The following CDH20 variants were observed in gnomAD, a reference collection of about 807,000 sequenced individuals.
CDH20 encodes cadherin 20.
Under a neutral mutation model 74.2 loss-of-function variants are expected in CDH20, and 29 were observed. That is an observed-to-expected ratio of 0.39 (90% CI 0.29 to 0.53). The LOEUF (loss-of-function observed/expected upper bound fraction) is 0.53. CDH20 is among the 20% of genes least tolerant of loss of function. CDH20 has a pLI of 0.69. For synonymous variants in CDH20, 469 were observed against 405.4 expected, an observed-to-expected ratio of 1.16 and a Z score of -1.88; for missense variants, 988 against 1,048.3, an observed-to-expected ratio of 0.94 and a Z score of 0.79.
chr18:61,376,053 T>G (rs531516816), intron 1 of CDH20, among the ~76,000 whole-genome samples: 1 of 152,274 alleles, frequency 6.6e-6, no homozygotes, highest in South Asian at 2.1e-4. Flanking sequence ...ATTATTGCAT[T>G]TATTAACAAA....
chr18:61,490,578 A>G lies in CDH20; in HGVS notation c.25A>G (p.Asn9Asp), dbSNP rs918893880. The G allele has an allele frequency of 1.2e-6, 2 of 1,614,150 alleles. No individual in the cohort carries two copies. The highest frequency in any genetic ancestry group is 1.3e-5 in the African/African-American group (1 of 75,048). The change falls in exon 2 of 12, where the codon AAT becomes GAT. Residue 9 changes from asparagine to aspartate, a missense_variant. Transcript: ENST00000262717. MWTSGRMS[N>D]AKNWLGLGMS... ...CATGTGGACTTCTGGTAGAATGAGC[A>G]ATGCAAAGAACTGGCTTGGACTTGG...
chr18:61,398,606 C>T (rs1203294222), intron 1 of CDH20, among the ~76,000 whole-genome samples: 1 of 152,140 alleles, frequency 6.6e-6, no homozygotes, highest in African/African-American at 2.4e-5. Flanking sequence ...ATGGTTCTTA[C>T]AGATGAGTTA....
intron 1 of CDH20, among the ~76,000 whole-genome samples, chr18:61,385,155 A>G (rs1300554821): frequency 2.0e-5 from 3 of 152,226 alleles, no homozygotes; most frequent in Admixed American, 6.5e-5. Context: ...AAAAAGGAAT[A>G]TAAGTCAACA....
At chr18:61,440,398 G>T (rs1038188749) in intron 1 of CDH20, among the ~76,000 whole-genome samples, 6 of 152,272 alleles carry the variant, frequency 3.9e-5, no homozygotes. Context: ...AAAAGGAAAA[G>T]AAATAGTAAA....
intron 1 of CDH20, among the ~76,000 whole-genome samples, chr18:61,400,731 T>C (rs1912128199): frequency 1.3e-5 from 2 of 152,188 alleles, no homozygotes; most frequent in Admixed American, 6.5e-5. Context: ...CAAATGTTCT[T>C]GTGTAAAGAT....
In CDH20 at chr18:61,347,241, G is replaced by C. The variant is rs552810801; in HGVS notation, c.-153+13414G>C. On this transcript the variant is annotated intron_variant, in intron 1 of 11. Transcript: ENST00000262717. Reference sequence around the variant, plus strand: ...GGGTGGGTAGATCACTTGAGACCAGGAGTTTGAGACCAGCCTGGCCAACAT... The same window carrying C: ...GGGTGGGTAGATCACTTGAGACCAGCAGTTTGAGACCAGCCTGGCCAACAT... Among the ~76,000 whole-genome samples, 6 of 146,984 alleles carry C rather than the reference G, an allele frequency of 4.1e-5. No homozygotes were observed. The South Asian group carries it at 1.3e-3, about 32-fold the overall frequency.
chr18:61,518,454 C>T (rs1033829433), intron 6 of CDH20, among the ~76,000 whole-genome samples: 3 of 143,960 alleles, frequency 2.1e-5, no homozygotes, highest in South Asian at 2.1e-4. Context: ...CTGCAGCCTC[C>T]GCTGGTGATA....
At chr18:61,529,996 C>A (rs538140198) in intron 7 of CDH20, among the ~76,000 whole-genome samples, 1 of 152,286 alleles carries the variant, frequency 6.6e-6, no homozygotes, top group South Asian at 2.1e-4. Flanking sequence ...GTCCACTGGG[C>A]TGTTCTGGGG....
chr18:61,527,949 C>T lies in CDH20; in HGVS notation c.1018-18C>T, dbSNP rs762272711. 3.1e-6 allele frequency: 5 copies of T among 1,613,110 alleles called. No individual in the cohort carries two copies. The highest frequency in any genetic ancestry group is 2.2e-5 in the South Asian group (2 of 91,010). ...TGAACCTCAGTGGCGAATCAATTTT[C>T]CTGTCATTGCTTTTCAGCCCCTGAG... is the stretch of plus-strand genomic sequence containing the variant. On this transcript the variant is annotated intron_variant, in intron 6 of 11. Transcript: ENST00000262717.
chr18:61,495,289 C>A (rs761733942), intron 2 of CDH20, among the ~76,000 whole-genome samples: 3 of 152,184 alleles, frequency 2.0e-5, no homozygotes, highest in African/African-American at 7.2e-5. Flanking sequence ...CTGTTCTTTG[C>A]CATTTTTGAA....
At position 61,544,531 on chromosome 18, in the gene CDH20, G is replaced by C. The variant is rs553421714; in HGVS notation, c.1531-496G>C. The stretch of plus-strand genomic sequence containing the variant: ...AATGGATGGGAAGCCAGAAGCGGGG[G>C]ATGGAGTGGGAAGGTGATCTTCCCC... On this transcript the variant is annotated intron_variant, in intron 9 of 11. Transcript: ENST00000262717. Among the ~76,000 whole-genome samples the C allele has an allele frequency of 3.3e-5, 5 of 152,318 alleles. No individual in the cohort carries two copies. In the East Asian group the frequency reaches 7.7e-4, roughly 24 times the overall value.
chr18:61,405,715 T>C (rs1194648696), intron 1 of CDH20, among the ~76,000 whole-genome samples: 1 of 152,206 alleles, frequency 6.6e-6, no homozygotes, highest in African/African-American at 2.4e-5. Flanking sequence ...AGCAGTATCA[T>C]TTGGGAACTT....
At chr18:61,535,085 G>A (rs963928403) in intron 7 of CDH20, among the ~76,000 whole-genome samples, 7 of 152,156 alleles carry the variant, frequency 4.6e-5, no homozygotes, top group African/African-American at 1.4e-4. Flanking sequence ...GGAGGCTGAG[G>A]CAGGTGGATC....
At chr18:61,401,234 A>G (rs1214659273) in intron 1 of CDH20, among the ~76,000 whole-genome samples, 1 of 152,242 alleles carries the variant, frequency 6.6e-6, no homozygotes, top group Admixed American at 6.5e-5. Flanking sequence ...AGCTTATTCC[A>G]GTTCCATCTT....
intron 1 of CDH20, among the ~76,000 whole-genome samples, chr18:61,470,615 A>G (rs1236367973): frequency 6.6e-6 from 1 of 152,196 alleles, no homozygotes; most frequent in Non-Finnish European, 1.5e-5. Context: ...AGAAAAAAAA[A>G]AGAGAATGAA....
At chr18:61,452,761 C>A (rs1316717690) in intron 1 of CDH20, among the ~76,000 whole-genome samples, 4 of 152,126 alleles carry the variant, frequency 2.6e-5, no homozygotes, top group Non-Finnish European at 5.9e-5. Flanking sequence ...ACTGAAGAAG[C>A]AATGAGCCAA....
intron 1 of CDH20, among the ~76,000 whole-genome samples, chr18:61,478,344 G>A (rs887660010): frequency 6.6e-6 from 1 of 151,890 alleles, no homozygotes; most frequent in Admixed American, 6.6e-5. Flanking sequence ...AATATGTTAA[G>A]GACAATAAGC....
At chr18:61,545,195 C>G in intron 10 of CDH20, 51 bp downstream of exon 10, 1 of 1,177,972 alleles carries the variant, frequency 8.5e-7, no homozygotes. Flanking sequence ...CATAGGCCAG[C>G]TACTTTGGGT....
rs2144318351 is a variant in CDH20, at chr18:61,500,602, A to G, written c.661+100A>G. ...TCTCCTTTTTAAGGACTCTCCAGGG[A>G]GTGTATTAACCAGAGAAGACTGCTC... On this transcript the variant is annotated intron_variant, in intron 4 of 11. Transcript: ENST00000262717. 2.3e-6 allele frequency: 3 copies of G among 1,305,260 alleles called. 1 individual carries two copies. In the Admixed American group the frequency reaches 6.3e-5, roughly 27 times the overall value. 80.9% of individuals were successfully genotyped at this position (1,305,260 alleles called of 1,614,324 possible).
Sources: allele counts gnomAD v4.1 joint callset (sites outside exome capture counted in the v4.1 genomes callset), GRCh38; gene constraint gnomAD v4.1.1; transcripts MANE v1.5; gene names NCBI Gene and HGNC (gene_info 2026-07-23, HGNC 2026-07-21).